Variants in DOCK3 observed in about 807,000 individuals in gnomAD.
The protein encoded by DOCK3 is dedicator of cytokinesis protein 3.
Under a neutral mutation model 265.6 loss-of-function variants are expected in DOCK3, and 60 were observed. That is an observed-to-expected ratio of 0.23 (90% CI 0.18 to 0.28). DOCK3 has a LOEUF of 0.28. Ranked by LOEUF, DOCK3 falls within the 10% of genes least tolerant of loss-of-function variation. The pLI, the probability that DOCK3 is intolerant of heterozygous loss-of-function variation, is 1.00. For synonymous variants in DOCK3, 881 were observed against 938.0 expected, an observed-to-expected ratio of 0.94 and a Z score of 1.11; for missense variants, 1,981 against 2,594.3, an observed-to-expected ratio of 0.76 and a Z score of 5.14.
At position 51,248,867 on chromosome 3, in the gene DOCK3, C is replaced by G. The variant is rs1412023952; in HGVS notation, c.2184+2060C>G. Among the ~76,000 whole-genome samples, 3 of 139,362 alleles carry G rather than the reference C, an allele frequency of 2.2e-5. No homozygotes were observed. The East Asian group carries it at 6.8e-4, about 32-fold the overall frequency. 91.4% of individuals were successfully genotyped at this position (139,362 alleles called of 152,430 possible). On this transcript the variant is annotated intron_variant, in intron 22 of 52. Coordinates refer to ENST00000266037, the MANE Select transcript of DOCK3 (RefSeq NM_004947.5). ...GCCGCCCCGTCTGGGATGTGAGGAGCGCCTCTGCCCGGCCGCCACCCCGTC... is the reference window on the plus strand; with the variant it reads ...GCCGCCCCGTCTGGGATGTGAGGAGGGCCTCTGCCCGGCCGCCACCCCGTC...
intron 20 of DOCK3, among the ~76,000 whole-genome samples, chr3:51,237,232 T>G (rs2078386084): frequency 6.6e-6 from 1 of 152,116 alleles, no homozygotes; most frequent in African/African-American, 2.4e-5. Context: ...CCAGCATTAT[T>G]GTGAAGGGAG....
intron 9 of DOCK3, among the ~76,000 whole-genome samples, chr3:51,138,516 C>G (rs868664199): frequency 6.6e-6 from 1 of 152,124 alleles, no homozygotes; most frequent in Non-Finnish European, 1.5e-5. Context: ...TTAAGGGCTT[C>G]CTTTCATTAT....
intron 1 of DOCK3, among the ~76,000 whole-genome samples, chr3:50,686,007 G>A (rs560285017): frequency 7.2e-4 from 110 of 152,186 alleles, no homozygotes; most frequent in African/African-American, 2.6e-3. Context: ...GTTTTTCCAT[G>A]GACAGGATGA....
intron 21 of DOCK3, among the ~76,000 whole-genome samples, 190 bp from the exon 22 acceptor site, chr3:51,246,536 C>T (rs1286832687): frequency 1.3e-5 from 2 of 152,200 alleles, no homozygotes; most frequent in African/African-American, 4.8e-5. Context: ...AATGTGGCAA[C>T]TCCTATGGAC....
In DOCK3 at chr3:51,260,217, G is replaced by T. The variant is rs757413531; in HGVS notation, c.2246G>T (p.Cys749Phe). The T allele has an allele frequency of 6.2e-7, 1 of 1,613,768 alleles. No homozygotes were observed. The highest frequency in any genetic ancestry group is 8.5e-7 in the Non-Finnish European group (1 of 1,179,878). The change falls in exon 23 of 53, where the codon TGT becomes TTT. Residue 749 changes from cysteine to phenylalanine, a missense_variant. Cys to Phe is a radical substitution (Grantham distance 205). Around this residue, in one of 4 missense-constraint regions of DOCK3, gnomAD observed 1,357 missense variants for 1,866.8 expected, o/e 0.73. Coordinates refer to ENST00000266037, the MANE Select transcript of DOCK3 (RefSeq NM_004947.5). ...CGGATCCTGTACTCACGAGCCACTT[G>T]TGGAATGGAAGAGGAACAATTCAGA... ...QSRILYSRATCGMEEEQFRSS... is the reference protein window; with the variant it reads ...QSRILYSRATFGMEEEQFRSS...
chr3:51,264,546 A>G, intron 23 of DOCK3, among the ~76,000 whole-genome samples: 1 of 152,086 alleles, frequency 6.6e-6, no homozygotes. Context: ...AGAAATAACT[A>G]GCCGGGCTTG....
rs545186216 is a variant in DOCK3 at position 50,752,735 on chromosome 3, A to G, written c.38-25940A>G. 1.3e-4 allele frequency among the ~76,000 whole-genome samples: 20 copies of G among 151,924 alleles called. No homozygotes were observed. The East Asian group carries it at 3.7e-3, about 28-fold the overall frequency. On this transcript the variant is annotated intron_variant, in intron 1 of 52. Transcript: ENST00000266037. ...AGAGGTTGCACAGAGCCGAGATCGC[A>G]CCACTACACTCCAGCCTGGGTGACA...
Position 50,675,923 on chromosome 3 carries a change from CCT to C in DOCK3, c.37+626_37+627del. ...CCCTGTTTTCAGATGAGACCTTATT[CCT>C]CTTAGAAACCTTTTTTTAATGTTGT... is the stretch of plus-strand genomic sequence containing the variant. On this transcript the variant is annotated intron_variant, in intron 1 of 52. Coordinates refer to ENST00000266037, the MANE Select transcript of DOCK3 (RefSeq NM_004947.5). This position sits in a 1 kb window ranked among gnomAD's most constrained non-coding sequence, Gnocchi z 6.1. Among the ~76,000 whole-genome samples, 1 of 151,734 alleles carries C rather than the reference CCT, an allele frequency of 6.6e-6. No individual in the cohort carries two copies.
intron 1 of DOCK3, among the ~76,000 whole-genome samples, chr3:50,750,698 C>T (rs886428895): frequency 6.6e-6 from 1 of 152,116 alleles, no homozygotes; most frequent in African/African-American, 2.4e-5. Flanking sequence ...AGTTAATTAT[C>T]AGTTGGGAAA....
At chr3:50,778,621 C>T (rs1192712482) in intron 1 of DOCK3, 54 bp from the exon 2 acceptor site, 2 of 1,355,412 alleles carry the variant, frequency 1.5e-6, no homozygotes, top group African/African-American at 1.4e-5. Context: ...GTGACTCTGA[C>T]CATGTCTCAG....
At chr3:51,248,762 G>A (rs1457504864) in intron 22 of DOCK3, among the ~76,000 whole-genome samples, 9 of 150,638 alleles carry the variant, frequency 6.0e-5, no homozygotes, top group African/African-American at 2.0e-4. Flanking sequence ...GCCTCTTCCC[G>A]GCCGCCATCA....
At chr3:51,209,682 A>C (rs556458030) in intron 13 of DOCK3, among the ~76,000 whole-genome samples, 1 of 152,340 alleles carries the variant, frequency 6.6e-6, no homozygotes, top group African/African-American at 2.4e-5. Flanking sequence ...GACAGTGTAA[A>C]GTCACTGAGA....
chr3:51,056,970 T>C (rs1438017312), intron 5 of DOCK3, among the ~76,000 whole-genome samples: 1 of 152,184 alleles, frequency 6.6e-6, no homozygotes, highest in African/African-American at 2.4e-5. Flanking sequence ...ATTTCTGATG[T>C]CATTTTTATT....
chr3:50,693,866 G>A (rs1277536037), intron 1 of DOCK3, among the ~76,000 whole-genome samples: 6 of 151,848 alleles, frequency 4.0e-5, no homozygotes, highest in East Asian at 1.9e-4. Flanking sequence ...CATGTTGTTC[G>A]TATACAGAAA....
chr3:51,357,582 G>C (rs2086448514), intron 44 of DOCK3, among the ~76,000 whole-genome samples, 176 bp from the exon 45 acceptor site: 1 of 152,102 alleles, frequency 6.6e-6, no homozygotes, highest in African/African-American at 2.4e-5. Flanking sequence ...GTCCTTCTCA[G>C]ACAAAAAAAC....
chr3:51,003,514 T>C (rs2108706393), intron 5 of DOCK3, among the ~76,000 whole-genome samples: 2 of 152,370 alleles, frequency 1.3e-5, no homozygotes, highest in South Asian at 2.1e-4. Flanking sequence ...CGCTAATGAT[T>C]TATGTATGCA....
At chr3:50,978,120 G>A (rs1054624487) in intron 5 of DOCK3, among the ~76,000 whole-genome samples, 16 of 151,530 alleles carry the variant, frequency 1.1e-4, no homozygotes, top group Non-Finnish European at 1.8e-4. Context: ...TAATTTGATC[G>A]TCTGAAGCCT....
chr3:51,367,319 T>G (rs2087270807), intron 49 of DOCK3, among the ~76,000 whole-genome samples: 1 of 151,962 alleles, frequency 6.6e-6, no homozygotes, highest in Admixed American at 6.6e-5. Flanking sequence ...AATCCCTGCT[T>G]TTTTTTTGTT....
intron 32 of DOCK3, among the ~76,000 whole-genome samples, chr3:51,322,094 C>T (rs970090407): frequency 3.3e-5 from 5 of 152,190 alleles, no homozygotes; most frequent in African/African-American, 1.2e-4. Context: ...GTCAGGTTAC[C>T]CACAAGGGGA....
Sources: gnomAD v4.1 joint callset for allele counts (sites outside exome capture counted in the v4.1 genomes callset) on GRCh38, gnomAD v4.1.1 for gene constraint, gnomAD v4.1.1 regional missense constraint, Gnocchi (gnomAD v3.1) non-coding constraint, MANE v1.5 for transcripts, NCBI Gene and HGNC (gene_info 2026-07-23, HGNC 2026-07-21) for gene names.